Variants in TENM2 observed in about 807,000 individuals in gnomAD.
TENM2 encodes the protein teneurin-2.
TENM2 carries 52 observed loss-of-function variants against 245.2 expected under a neutral mutation model. The ratio of observed to expected loss-of-function variants is 0.21; its 90% CI spans 0.17 to 0.27. The LOEUF (loss-of-function observed/expected upper bound fraction) is 0.27. Ranked by LOEUF, TENM2 falls within the 10% of genes least tolerant of loss-of-function variation. The pLI is 1.00. For synonymous variants in TENM2, 1,363 were observed against 1,438.9 expected, an observed-to-expected ratio of 0.95 and a Z score of 1.19; for missense variants, 3,046 against 3,666.8, an observed-to-expected ratio of 0.83 and a Z score of 4.37.
At chr5:168,075,410 A>AC (rs1453045410) in intron 7 of TENM2, among the ~76,000 whole-genome samples, 1 of 152,102 alleles carries the variant, frequency 6.6e-6, no homozygotes, top group Non-Finnish European at 1.5e-5. Context: ...CAATGCACAC[A>AC]TTTTCTAAGT....
At chr5:167,920,720 G>C (rs1777306831) in intron 3 of TENM2, among the ~76,000 whole-genome samples, 1 of 152,142 alleles carries the variant, frequency 6.6e-6, no homozygotes, top group African/African-American at 2.4e-5. Context: ...TTGACTACAG[G>C]CTTAACTGGG....
At chr5:167,784,444 T>C (rs974620101) in intron 2 of TENM2, among the ~76,000 whole-genome samples, 5 of 152,208 alleles carry the variant, frequency 3.3e-5, no homozygotes, top group African/African-American at 1.2e-4. Flanking sequence ...GCAGGAATAA[T>C]GGTTTTTATA....
rs1222691203 is a variant in TENM2 at position 167,837,960 on chromosome 5, G to T, written c.503-38026G>T. ...CCCAGGGCCCCTTCATCCTCCTTTT[G>T]GTTCCCCTCAGAATGTCCAAGTGAA... is the stretch of plus-strand genomic sequence containing the variant. On this transcript the variant is annotated intron_variant, in intron 2 of 28. Transcript: ENST00000518659. Among the ~76,000 whole-genome samples the T allele has an allele frequency of 2.0e-5, 3 of 152,228 alleles. No homozygotes were observed. The South Asian group carries it at 6.2e-4, about 32-fold the overall frequency.
At chr5:167,231,426 G>A in the TENM2 span, among the ~76,000 whole-genome samples, 4 of 152,182 alleles carry the variant, frequency 2.6e-5, no homozygotes, top group African/African-American at 2.4e-5. Context: ...TAAGGAACTT[G>A]TTGGGAACTG....
intron 13 of TENM2, among the ~76,000 whole-genome samples, chr5:168,168,382 G>T (rs1248037978): frequency 6.6e-6 from 1 of 152,160 alleles, no homozygotes; most frequent in Non-Finnish European, 1.5e-5. Flanking sequence ...GAAATAAGTA[G>T]CTGAAAAGAC....
chr5:167,204,516 A>G, the TENM2 span, among the ~76,000 whole-genome samples: 2 of 152,216 alleles, frequency 1.3e-5, no homozygotes, highest in Non-Finnish European at 2.9e-5. Flanking sequence ...GTAGAAATGC[A>G]TTGAAATCCT....
At chr5:167,622,239 G>C (rs1778223457) in intron 2 of TENM2, among the ~76,000 whole-genome samples, 2 of 152,122 alleles carry the variant, frequency 1.3e-5, no homozygotes, top group Non-Finnish European at 2.9e-5. Context: ...GAGACATGAT[G>C]AGAAGCACCC....
the TENM2 span, among the ~76,000 whole-genome samples, chr5:167,199,380 G>T: frequency 6.6e-6 from 1 of 151,974 alleles, no homozygotes; most frequent in Non-Finnish European, 1.5e-5. Context: ...CTTTTTCCTG[G>T]AGAGAAGGAT....
chr5:167,871,865 G>A (rs553524863), intron 2 of TENM2, among the ~76,000 whole-genome samples: 180 of 152,320 alleles, frequency 1.2e-3, no homozygotes, highest in Middle Eastern at 3.4e-3. Context: ...AAGTGAGCCT[G>A]TAGAAGTTTC....
intron 17 of TENM2, among the ~76,000 whole-genome samples, chr5:168,201,367 T>C (rs969531484): frequency 6.6e-6 from 1 of 151,988 alleles, no homozygotes; most frequent in Non-Finnish European, 1.5e-5. Flanking sequence ...TACATATATC[T>C]GTAGCTAATA....
intron 2 of TENM2, among the ~76,000 whole-genome samples, chr5:167,555,811 A>G (rs1283524815): frequency 6.6e-6 from 1 of 152,064 alleles, no homozygotes; most frequent in Non-Finnish European, 1.5e-5. Context: ...CCTGCTGGAG[A>G]GCTCCAAAGC....
intron 2 of TENM2, among the ~76,000 whole-genome samples, chr5:167,625,036 G>T (rs1778407408): frequency 6.6e-6 from 1 of 151,948 alleles, no homozygotes; most frequent in South Asian, 2.1e-4. Flanking sequence ...ATTCCTTGAG[G>T]CCTCATTTAG....
chr5:167,282,566 G>T (rs564174071), upstream of TENM2, among the ~76,000 whole-genome samples: 7 of 152,148 alleles, frequency 4.6e-5, no homozygotes, highest in African/African-American at 1.7e-4. Flanking sequence ...AAACTCTGTG[G>T]AGTAGATGCT....
intron 25 of TENM2, among the ~76,000 whole-genome samples, chr5:168,230,317 T>C (rs1340500414): frequency 6.6e-6 from 1 of 152,210 alleles, no homozygotes; most frequent in Non-Finnish European, 1.5e-5. Flanking sequence ...ACAGGTTGAG[T>C]GGACTGAAAA....
the TENM2 span, among the ~76,000 whole-genome samples, chr5:167,141,551 A>G: frequency 6.6e-6 from 1 of 152,212 alleles, no homozygotes; most frequent in Admixed American, 6.5e-5. Flanking sequence ...TGGTACAGAC[A>G]TATAGATTGT....
chr5:167,605,697 A>G (rs1432986967), intron 2 of TENM2, among the ~76,000 whole-genome samples: 2 of 152,216 alleles, frequency 1.3e-5, no homozygotes, highest in Non-Finnish European at 2.9e-5. Context: ...GTATATATAC[A>G]TTTAGCCCAT....
At chr5:168,183,054 A>G (rs1760066387) in intron 13 of TENM2, among the ~76,000 whole-genome samples, 2 of 150,588 alleles carry the variant, frequency 1.3e-5, no homozygotes, top group Admixed American at 1.3e-4. Context: ...CTGGTCTTGA[A>G]CTCCTGACCT....
chr5:167,517,384 C>T (rs1770450099), intron 2 of TENM2, among the ~76,000 whole-genome samples: 1 of 151,998 alleles, frequency 6.6e-6, no homozygotes. Context: ...TGTTAAATGG[C>T]CCTCAATATA....
At chr5:167,796,114 G>T (rs1447221319) in intron 2 of TENM2, among the ~76,000 whole-genome samples, 3 of 152,082 alleles carry the variant, frequency 2.0e-5, no homozygotes, top group South Asian at 2.1e-4. Flanking sequence ...CTTACAAAGG[G>T]GTTGGTTTTG....
Sources: allele counts gnomAD v4.1 joint callset (sites outside exome capture counted in the v4.1 genomes callset), GRCh38; gene constraint gnomAD v4.1.1; transcripts MANE v1.5; gene names NCBI Gene and HGNC (gene_info 2026-07-23, HGNC 2026-07-21).